Variants in ZSCAN25 observed in about 807,000 individuals in gnomAD.
The protein encoded by ZSCAN25 is zinc finger and SCAN domain containing 25, also known as zinc finger and SCAN domain-containing protein 25.
Under a neutral mutation model 38.7 loss-of-function variants are expected in ZSCAN25, and 27 were observed. The observed-to-expected ratio is 0.70, with a 90% confidence interval of 0.51 to 0.96. ZSCAN25 has a LOEUF of 0.96. Ranked by LOEUF, ZSCAN25 falls within the 40% of genes least tolerant of loss-of-function variation. The probability of loss-of-function intolerance (pLI) is 0.00; values close to 1 mark genes in which losing one functional copy is unlikely to be tolerated. For synonymous variants in ZSCAN25, 273 were observed against 277.7 expected (o/e 0.98, Z 0.17); for missense variants, 637 against 705.9 (o/e 0.90, Z 1.11).
downstream of ZSCAN25, among the ~76,000 whole-genome samples, chr7:99,635,215 A>G (rs1202092304): frequency 6.6e-6 from 1 of 151,370 alleles, no homozygotes; most frequent in Non-Finnish European, 1.5e-5. Context: ...TACTAACACT[A>G]CAACCATAAA....
At chr7:99,624,442 T>C (rs1807283905) in intron 7 of ZSCAN25, 2 of 481,740 alleles carry the variant, frequency 4.2e-6, no homozygotes, top group Admixed American at 6.4e-5. Context: ...ACACCTACAT[T>C]GTGTCCATGA....
chr7:99,643,427 C>G, the ZSCAN25 span, among the ~76,000 whole-genome samples: 3 of 152,018 alleles, frequency 2.0e-5, no homozygotes, highest in Admixed American at 6.6e-5. Flanking sequence ...TTGCTGCCCC[C>G]CCTTTTTTTT....
the ZSCAN25 span, chr7:99,652,440 A>G: frequency 1.3e-6 from 1 of 742,058 alleles, no homozygotes; most frequent in Admixed American, 2.9e-5. Context: ...TGATAAAAAG[A>G]CTTACAAGCA....
At chr7:99,687,793 G>C in the ZSCAN25 span, among the ~76,000 whole-genome samples, 2 of 152,182 alleles carry the variant, frequency 1.3e-5, no homozygotes, top group Admixed American at 6.5e-5. Flanking sequence ...TACCCACAAA[G>C]GGAAGCCCAT....
chr7:99,729,347 T>C, the ZSCAN25 span, among the ~76,000 whole-genome samples: 1 of 152,192 alleles, frequency 6.6e-6, no homozygotes, highest in Non-Finnish European at 1.5e-5. Context: ...TAACTCATTA[T>C]AAAATTTTCT....
At chr7:99,657,179 T>G in the ZSCAN25 span, among the ~76,000 whole-genome samples, 4 of 152,246 alleles carry the variant, frequency 2.6e-5, no homozygotes, top group Non-Finnish European at 4.4e-5. Context: ...GATGTTAGGG[T>G]GTCAATGTTA....
the ZSCAN25 span, among the ~76,000 whole-genome samples, chr7:99,666,309 A>G: frequency 3.7e-4 from 56 of 152,248 alleles, no homozygotes; most frequent in Non-Finnish European, 1.9e-4. Flanking sequence ...CTTTGATACA[A>G]TCATGTTTTT....
rs1807915266 is a variant in ZSCAN25 at position 99,630,515 on chromosome 7, G to C, written c.*495G>C. 1.0e-6 allele frequency: 1 copy of C among 992,340 alleles called. No homozygotes were observed. The highest frequency in any genetic ancestry group is 1.1e-4 in the East Asian group (1 of 8,976). The allele number at this position is 992,340 out of a possible 1,614,324, so 61.5% of individuals were successfully genotyped here. ...TGGTGAATGAGAGACTAGACGTGAT[G>C]CCTCTGGGGGTTGTGCGTTGGGGAT... On this transcript the variant is annotated 3_prime_UTR_variant, in exon 8 of 8. Coordinates refer to ENST00000394152, the MANE Select transcript of ZSCAN25 (RefSeq NM_145115.3).
the ZSCAN25 span, among the ~76,000 whole-genome samples, chr7:99,645,205 A>C: frequency 3.3e-5 from 5 of 152,098 alleles, no homozygotes; most frequent in Admixed American, 1.3e-4. Context: ...TGGCCAGGAT[A>C]GTCTCGATCT....
At chr7:99,665,117 A>G in the ZSCAN25 span, 1 of 1,449,540 alleles carries the variant, frequency 6.9e-7, no homozygotes, top group African/African-American at 1.4e-5. Flanking sequence ...TTATATGTCA[A>G]GAAAGCAGTT....
chr7:99,709,104 A>G, the ZSCAN25 span: 1 of 1,613,974 alleles, frequency 6.2e-7, no homozygotes, highest in Non-Finnish European at 8.5e-7. Flanking sequence ...GCTTGGAATC[A>G]TCACCACCAC....
At chr7:99,711,733 A>C in the ZSCAN25 span, among the ~76,000 whole-genome samples, 1 of 152,146 alleles carries the variant, frequency 6.6e-6, no homozygotes. Flanking sequence ...ATGCCATTGC[A>C]CTCCAGCCTG....
chr7:99,731,040 G>T, the ZSCAN25 span: 1 of 1,613,516 alleles, frequency 6.2e-7, no homozygotes, highest in Non-Finnish European at 8.5e-7. Context: ...AGCAAAAGAG[G>T]AAGCTCAAAA....
At chr7:99,634,866 C>G (rs982417285), downstream of ZSCAN25, among the ~76,000 whole-genome samples, 3 of 151,954 alleles carry the variant, frequency 2.0e-5, no homozygotes, top group African/African-American at 4.8e-5. Context: ...CACTTGAACC[C>G]GGGGGGCGGA....
the ZSCAN25 span, chr7:99,660,159 C>T: frequency 3.8e-5 from 35 of 909,990 alleles, no homozygotes; most frequent in African/African-American, 3.9e-4. Context: ...GTGTTGCTCA[C>T]GCTGGGAGCT....
chr7:99,717,378 A>G, the ZSCAN25 span: 2 of 1,596,948 alleles, frequency 1.3e-6, no homozygotes, highest in Non-Finnish European at 1.7e-6. Flanking sequence ...GAATTTTATG[A>G]TGTGTTTTCT....
Position 99,622,622 on chromosome 7 carries a change from C to G in ZSCAN25, c.663C>G (p.Phe221Leu). Residue 221 changes from phenylalanine to leucine, a missense_variant, in exon 6 of 8, where the codon TTC becomes TTG. Phe to Leu is a conservative substitution (Grantham distance 22, BLOSUM62 0). Transcript: ENST00000394152. ...NPRDQEMAAG[F>L]FTAGSQGLGP... ...GAGACCAAGAGATGGCAGCTGGGTT[C>G]TTTACTGCTGGATCGCAGGTGAGCT... is the stretch of plus-strand genomic sequence containing the variant. 6.2e-7 allele frequency: 1 copy of G among 1,614,156 alleles called. No homozygotes were observed. Among genetic ancestry groups the G allele is most frequent in the Non-Finnish European group, 8.5e-7 (1 of 1,180,014 alleles).
chr7:99,624,458 G>A, intron 7 of ZSCAN25: 1 of 425,988 alleles, frequency 2.3e-6, no homozygotes, highest in Non-Finnish European at 4.3e-6. Flanking sequence ...CATGATTAAA[G>A]ACACTGAGGG....
the ZSCAN25 span, chr7:99,717,070 T>A: frequency 7.0e-7 from 1 of 1,433,514 alleles, no homozygotes. Context: ...ACAGCCCTCC[T>A]TTTGTCTGGT....
Sources: allele counts gnomAD v4.1 joint callset (sites outside exome capture counted in the v4.1 genomes callset), GRCh38; gene constraint gnomAD v4.1.1; transcripts MANE v1.5; gene names NCBI Gene and HGNC (gene_info 2026-07-23, HGNC 2026-07-21).